Variants in KHDRBS2 observed in about 807,000 individuals in gnomAD.
KHDRBS2 encodes KH RNA binding domain containing, signal transduction associated 2.
A neutral mutation model predicts 44.3 loss-of-function variants in KHDRBS2; 26 were observed. The observed-to-expected ratio is 0.59, with a 90% CI of 0.43 to 0.81. KHDRBS2 has a LOEUF of 0.81. Ranked by LOEUF, KHDRBS2 falls within the 40% of genes least tolerant of loss-of-function variation. The pLI is 0.00. For synonymous variants in KHDRBS2, 194 were observed against 151.1 expected, an observed-to-expected ratio of 1.28 and a Z score of -2.08; for missense variants, 476 against 433.1, an observed-to-expected ratio of 1.10 and a Z score of -0.88.
chr6:61,611,755 T>G, the KHDRBS2 span, among the ~76,000 whole-genome samples: 5 of 152,204 alleles, frequency 3.3e-5, no homozygotes, highest in African/African-American at 4.8e-5. Flanking sequence ...TTTTGAACTT[T>G]CGTTACATGG....
At position 62,136,405 on chromosome 6, in the gene KHDRBS2, C is replaced by T. The variant is rs546663711; in HGVS notation, c.219+40780G>A. 2.0e-5 allele frequency among the ~76,000 whole-genome samples: 3 copies of T among 152,234 alleles called. No individual in the cohort carries two copies. The East Asian group carries it at 5.8e-4, about 29-fold the overall frequency. ...CACGAGGCAGTTTCACTAATTGATTCTCAATCAGGTGATACGCTCCTTTAA... is the reference window on the plus strand; with the variant it reads ...CACGAGGCAGTTTCACTAATTGATTTTCAATCAGGTGATACGCTCCTTTAA... On this transcript the variant is annotated intron_variant, in intron 2 of 8. Coordinates refer to ENST00000281156, the MANE Select transcript of KHDRBS2 (RefSeq NM_152688.4).
At chr6:62,113,002 T>A (rs569840408) in intron 2 of KHDRBS2, among the ~76,000 whole-genome samples, 2 of 152,224 alleles carry the variant, frequency 1.3e-5, no homozygotes, top group Non-Finnish European at 2.9e-5. Flanking sequence ...TCATTTTTTT[T>A]AAAAGTATCA....
chr6:61,766,727 A>G (rs999884750), intron 6 of KHDRBS2, among the ~76,000 whole-genome samples: 6 of 152,068 alleles, frequency 3.9e-5, no homozygotes. Context: ...ACCACCGGTC[A>G]TTTAGAAGTA....
intron 1 of KHDRBS2, among the ~76,000 whole-genome samples, chr6:62,249,585 T>G (rs1836179401): frequency 6.6e-6 from 1 of 151,996 alleles, no homozygotes; most frequent in Admixed American, 6.6e-5. Flanking sequence ...ATTAAGTAAC[T>G]TAGGAAATAT....
intron 1 of KHDRBS2, among the ~76,000 whole-genome samples, chr6:62,238,266 G>A (rs867020015): frequency 2.1e-4 from 32 of 152,104 alleles, no homozygotes; most frequent in South Asian, 1.0e-3. Flanking sequence ...AGTGCTTCCC[G>A]TTATTATTCT....
At chr6:61,996,039 G>T (rs1008961463) in intron 3 of KHDRBS2, among the ~76,000 whole-genome samples, 2 of 152,128 alleles carry the variant, frequency 1.3e-5, no homozygotes, top group African/African-American at 4.8e-5. Context: ...AAGAGACAAA[G>T]AAATTGAACA....
chr6:62,195,011 C>T (rs1168434941), intron 1 of KHDRBS2, among the ~76,000 whole-genome samples: 6 of 151,952 alleles, frequency 3.9e-5, no homozygotes, highest in Non-Finnish European at 8.8e-5. Flanking sequence ...ATCTGTAGAT[C>T]AGTAAGGGAT....
chr6:62,100,978 C>G (rs1048291263), intron 2 of KHDRBS2, among the ~76,000 whole-genome samples: 2 of 152,134 alleles, frequency 1.3e-5, no homozygotes. Flanking sequence ...ACACTCAGAG[C>G]AGTCCTCCAA....
intron 2 of KHDRBS2, among the ~76,000 whole-genome samples, chr6:62,175,660 G>A (rs1446381736): frequency 6.6e-6 from 1 of 151,550 alleles, no homozygotes. Context: ...CTGGTGATCC[G>A]TGGTCCACGG....
intron 1 of KHDRBS2, among the ~76,000 whole-genome samples, chr6:62,193,184 A>G (rs1485037094): frequency 1.3e-5 from 2 of 152,094 alleles, no homozygotes; most frequent in African/African-American, 4.8e-5. Flanking sequence ...CAGTATACAC[A>G]TTTATATTTA....
At chr6:62,221,624 G>A (rs375293366) in intron 1 of KHDRBS2, among the ~76,000 whole-genome samples, 21 of 151,912 alleles carry the variant, frequency 1.4e-4, no homozygotes, top group East Asian at 1.2e-3. Context: ...ATAAACAATC[G>A]CATTGGCTCA....
chr6:61,667,565 ATT>A, the KHDRBS2 span, among the ~76,000 whole-genome samples: 9 of 151,272 alleles, frequency 5.9e-5, no homozygotes, highest in Admixed American at 6.0e-4. Flanking sequence ...GAGGGCTCCA[ATT>A]TTTGCATCAG....
chr6:62,111,997 A>G (rs1805110125), intron 2 of KHDRBS2, among the ~76,000 whole-genome samples: 1 of 152,148 alleles, frequency 6.6e-6, no homozygotes, highest in Non-Finnish European at 1.5e-5. Context: ...GGTGAAGCTG[A>G]TGCTACTAGT....
intron 1 of KHDRBS2, among the ~76,000 whole-genome samples, chr6:62,185,819 C>T (rs1823301754): frequency 6.6e-6 from 1 of 151,976 alleles, no homozygotes; most frequent in Non-Finnish European, 1.5e-5. Context: ...CTTACAGTTC[C>T]TCTCCCTCAT....
the KHDRBS2 span, among the ~76,000 whole-genome samples, chr6:61,550,415 A>G: frequency 1.3e-5 from 2 of 152,184 alleles, no homozygotes; most frequent in Non-Finnish European, 2.9e-5. Context: ...CATATGTACC[A>G]CATTTGCTTT....
chr6:61,732,666 A>G lies in KHDRBS2; in HGVS notation c.893+16T>C, dbSNP rs1241278544. The G allele has an allele frequency of 6.6e-7, 1 of 1,516,022 alleles. No individual in the cohort carries two copies. The highest frequency in any genetic ancestry group is 9.2e-7 in the Non-Finnish European group (1 of 1,092,538). 93.9% of individuals were successfully genotyped at this position (1,516,022 alleles called of 1,614,324 possible). A position where few individuals can be genotyped will look rare whatever the true frequency, so the allele number is the denominator to read the frequency against. On this transcript the variant is annotated intron_variant, in intron 7 of 8. Transcript: ENST00000281156. ...GATAATCCTGAGAAGGCTGCTTTAGATAGCAAATGCCTTACCTTTGTGTTT... is the reference window on the plus strand; with the variant it reads ...GATAATCCTGAGAAGGCTGCTTTAGGTAGCAAATGCCTTACCTTTGTGTTT...
Position 61,894,726 on chromosome 6 carries a change from C to G in KHDRBS2, c.719G>C (p.Arg240Thr), listed in dbSNP as rs760579776. ...CCGGGCTCGAGGGGTAGGGACACCT[C>G]TTGCTACAGGTGGCACTGGAAGCGC... The part of the protein sequence containing the change: ...RGALPVPPVA[R>T]GVPTPRARGA... The change falls in exon 6 of 9, where the codon AGA (arginine) becomes ACA (threonine). Residue 240 changes from arginine (R) to threonine (T), a missense_variant. Coordinates refer to ENST00000281156, the MANE Select transcript of KHDRBS2 (RefSeq NM_152688.4). The G allele has an allele frequency of 1.2e-6, 2 of 1,613,476 alleles. No individual in the cohort carries two copies. Among genetic ancestry groups the G allele is most frequent in the Non-Finnish European group, 1.7e-6 (2 of 1,179,748 alleles).
At chr6:61,715,837 T>G (rs1771318663) in intron 7 of KHDRBS2, among the ~76,000 whole-genome samples, 2 of 151,958 alleles carry the variant, frequency 1.3e-5, no homozygotes, top group Admixed American at 1.3e-4. Flanking sequence ...TTGGACAGAA[T>G]TTAGAAAATC....
At chr6:61,874,609 G>A (rs2127307999) in intron 6 of KHDRBS2, among the ~76,000 whole-genome samples, 1 of 152,270 alleles carries the variant, frequency 6.6e-6, no homozygotes, top group Middle Eastern at 3.4e-3. Context: ...CTTAAAGAAT[G>A]CAGAGCTCAA....
Sources: gnomAD v4.1 joint callset for allele counts (sites outside exome capture counted in the v4.1 genomes callset) on GRCh38, gnomAD v4.1.1 for gene constraint, MANE v1.5 for transcripts, NCBI Gene and HGNC (gene_info 2026-07-23, HGNC 2026-07-21) for gene names.